The following FABP1 variants were observed in gnomAD, a reference collection of about 807,000 sequenced individuals.
FABP1 encodes the protein fatty acid binding protein 1, also known as fatty acid-binding protein, liver.
FABP1 carries 13 observed loss-of-function variants against 13.7 expected under a neutral mutation model. The observed-to-expected ratio is 0.95, with a 90% CI of 0.62 to 1.51. The LOEUF is 1.51. Among genes scored for constraint, FABP1 ranks in the 40% most tolerant of loss-of-function variants. The pLI is 0.00. For missense variants in FABP1, 140 were observed against 155.7 expected, an observed-to-expected ratio of 0.90 and a Z score of 0.54; for synonymous variants, 48 against 59.8, an observed-to-expected ratio of 0.80 and a Z score of 0.91.
chr2:88,123,699 T>TGATG (rs1302030257), intron 3 of FABP1: 1 of 152,518 alleles, frequency 6.6e-6, no homozygotes, highest in Non-Finnish European at 1.5e-5. Context: ...AGTTGCTGCT[T>TGATG]GATGGGTTTG....
At chr2:88,125,842 C>G (rs1675286263) in intron 2 of FABP1, 1 of 207,642 alleles carries the variant, frequency 4.8e-6, no homozygotes, top group South Asian at 1.7e-4. Context: ...CTCCTGGGCC[C>G]TGCTTAGAGG....
intron 1 of FABP1, 95 bp downstream of exon 1, chr2:88,127,856 C>T: frequency 8.1e-7 from 1 of 1,228,858 alleles, no homozygotes; most frequent in Middle Eastern, 1.9e-4. Context: ...AATCTCTCCC[C>T]CCATCTCAAC....
chr2:88,125,640 G>A (rs116256291), intron 2 of FABP1, among the ~76,000 whole-genome samples: 1 of 152,220 alleles, frequency 6.6e-6, no homozygotes, highest in Non-Finnish European at 1.5e-5. Flanking sequence ...TACAGATGGG[G>A]TGGCTGAAGC....
intron 2 of FABP1, among the ~76,000 whole-genome samples, chr2:88,125,404 T>A (rs1307242168): frequency 6.6e-6 from 1 of 152,102 alleles, no homozygotes; most frequent in Non-Finnish European, 1.5e-5. Flanking sequence ...CCCAGCCCAA[T>A]GAACAGAGCT....
At chr2:88,124,647 A>ATGAAGTTGCTTCC in intron 2 of FABP1, 61 bp from the exon 3 acceptor site, 1 of 1,276,092 alleles carries the variant, frequency 7.8e-7, no homozygotes, top group Non-Finnish European at 1.1e-6. Flanking sequence ...AGCCTTGCTA[A>ATGAAGTTGCTTCC]TGAAGTTGCT....
At chr2:88,126,057 G>T in intron 2 of FABP1, 119 bp downstream of exon 2, 1 of 1,031,200 alleles carries the variant, frequency 9.7e-7, no homozygotes, top group Non-Finnish European at 1.4e-6. Context: ...TCTCCCACAT[G>T]GGAGGTGGGT....
chr2:88,124,398 G>T, intron 3 of FABP1, 96 bp downstream of exon 3: 1 of 811,186 alleles, frequency 1.2e-6, no homozygotes. Flanking sequence ...GGAGGGTGGA[G>T]GGGTGGCATT....
rs144461437 is a variant in FABP1 at position 88,124,916 on chromosome 2, G to A, written c.241-330C>T. On this transcript the variant is annotated intron_variant, in intron 2 of 3. Coordinates refer to ENST00000295834, the MANE Select transcript of FABP1 (RefSeq NM_001443.3). ...CCCAAGCTAATGGAGGGAGGTAGTG[G>A]CAAAATTCAAATATTGACCAGTAGA... 5.4e-3 allele frequency among the ~76,000 whole-genome samples: 825 copies of A among 151,534 alleles called. 9 individuals carry two copies. Among genetic ancestry groups the A allele is most frequent in the Non-Finnish European group, 8.0e-3 (545 of 67,948 alleles).
rs905619037 is a variant in FABP1 at position 88,125,167 on chromosome 2, C to A, written c.241-581G>T. Among the ~76,000 whole-genome samples the A allele has an allele frequency of 5.3e-5, 8 of 152,016 alleles. No homozygotes were observed. The East Asian group carries it at 1.5e-3, about 29-fold the overall frequency. On this transcript the variant is annotated intron_variant, in intron 2 of 3. Coordinates refer to ENST00000295834, the MANE Select transcript of FABP1 (RefSeq NM_001443.3). ...TTCATATTGTGGCCTCCTTCCAAGC[C>A]CTTATACATCCTGGAAGAGATGACA... is the stretch of plus-strand genomic sequence containing the variant.
intron 1 of FABP1, among the ~76,000 whole-genome samples, chr2:88,127,651 CTGTT>C (rs1222856769): frequency 1.3e-5 from 2 of 152,156 alleles, no homozygotes; most frequent in African/African-American, 2.4e-5. Context: ...CCTTGAATCA[CTGTT>C]TGTTTGAAGA....
chr2:88,126,435 G>T (rs1414486822), intron 1 of FABP1, 87 bp from the exon 2 acceptor site: 2 of 1,374,906 alleles, frequency 1.5e-6, no homozygotes, highest in Non-Finnish European at 2.0e-6. Flanking sequence ...GACATGACAT[G>T]GAGGGACAGA....
chr2:88,123,037 A>G lies in FABP1; in HGVS notation c.*17T>C. Reference sequence around the variant, plus strand: ...CATTAATTTTACACACTAAAATAATATGAAATGCAGACTTGTTTAAATTCT... The same window carrying G: ...CATTAATTTTACACACTAAAATAATGTGAAATGCAGACTTGTTTAAATTCT... On this transcript the variant is annotated 3_prime_UTR_variant, in exon 4 of 4. Coordinates refer to ENST00000295834, the MANE Select transcript of FABP1 (RefSeq NM_001443.3). 1 of 1,598,350 alleles carries G rather than the reference A, an allele frequency of 6.3e-7. No individual in the cohort carries two copies. The highest frequency in any genetic ancestry group is 2.2e-5 in the East Asian group (1 of 44,748).
intron 2 of FABP1, among the ~76,000 whole-genome samples, chr2:88,125,103 C>G (rs1675273143): frequency 6.6e-6 from 1 of 151,992 alleles, no homozygotes; most frequent in Admixed American, 6.5e-5. Context: ...AGCCACCCGC[C>G]CAACCAGGTA....
intron 2 of FABP1, chr2:88,125,805 G>GT (rs949461327): frequency 5.8e-5 from 10 of 171,850 alleles, no homozygotes; most frequent in African/African-American, 2.4e-4. Context: ...TCAGTTAAGG[G>GT]TTTTTCACAA....
chr2:88,124,427 C>T, intron 3 of FABP1, 67 bp downstream of exon 3: 2 of 1,252,504 alleles, frequency 1.6e-6, no homozygotes, highest in Non-Finnish European at 2.3e-6. Flanking sequence ...TGAGCCGCTC[C>T]CCATGCTTCA....
Position 88,122,985 on chromosome 2 carries a change from T to C in FABP1, c.*69A>G. 7.5e-7 allele frequency: 1 copy of C among 1,330,734 alleles called. No homozygotes were observed. 82.4% of individuals were successfully genotyped at this position (1,330,734 alleles called of 1,614,324 possible). ...ATGAAAAGGCATTGAGAAGACATTT[T>C]TTTTTAAAACAAAGTTCACTTTATT... On this transcript the variant is annotated 3_prime_UTR_variant, in exon 4 of 4. Coordinates refer to ENST00000295834, the MANE Select transcript of FABP1 (RefSeq NM_001443.3).
chr2:88,126,320 C>A lies in FABP1; in HGVS notation c.96G>T (p.Gly32=), dbSNP rs1324479200. 6 of 1,613,904 alleles carry A rather than the reference C, an allele frequency of 3.7e-6. No individual in the cohort carries two copies. Among genetic ancestry groups the A allele is most frequent in the Admixed American group, 1.7e-5 (1 of 60,026 alleles). Residue 32 remains glycine, a synonymous_variant, in exon 2 of 4, where the codon GGG becomes GGT. Coordinates refer to ENST00000295834, the MANE Select transcript of FABP1 (RefSeq NM_001443.3). ...IGLPEELIQK[G]KDIKGVSEIV... is the part of the protein sequence containing the mutation. ...TTTCCGACACCCCCTTGATATCCTT[C>A]CCCTTCTGGATGAGCTCTTCCGGCA...
intron 3 of FABP1, 40 bp from the exon 4 acceptor site, chr2:88,123,144 G>A: frequency 1.3e-6 from 2 of 1,549,526 alleles, no homozygotes; most frequent in South Asian, 1.2e-5. Flanking sequence ...TTCATCTGAT[G>A]TTGTATTGTA....
Position 88,123,065 on chromosome 2 carries a change from T to C in FABP1, c.373A>G (p.Lys125Glu). The C allele has an allele frequency of 6.2e-7, 1 of 1,611,188 alleles. No homozygotes were observed. Among genetic ancestry groups the C allele is most frequent in the Non-Finnish European group, 8.5e-7 (1 of 1,178,874 alleles). ...LGDIVFKRIS[K>E]RI ...AAATGCAGACTTGTTTAAATTCTCT[T>C]GCTGATTCTCTTGAAGACAATGTCA... The change falls in exon 4 of 4, where the codon AAG becomes GAG. Residue 125 changes from lysine (K) to glutamate (E), a missense_variant. Lys to Glu is a moderately conservative substitution (Grantham distance 56). Transcript: ENST00000295834.
Sources: gnomAD v4.1 joint callset for allele counts (sites outside exome capture counted in the v4.1 genomes callset) on GRCh38, gnomAD v4.1.1 for gene constraint, MANE v1.5 for transcripts, NCBI Gene and HGNC (gene_info 2026-07-23, HGNC 2026-07-21) for gene names.